Variants in SGPP2 observed in about 807,000 individuals in gnomAD.
The protein encoded by SGPP2 is sphingosine-1-phosphate phosphatase 2, also known as sphingosine 1-phosphate phosphohydrolase 2.
SGPP2 carries 30 observed loss-of-function variants against 33.9 expected under a neutral mutation model. That is an observed-to-expected ratio of 0.89 (90% CI 0.66 to 1.20). The LOEUF is 1.20. Ranked by LOEUF, SGPP2 falls within the 50% of genes most tolerant of loss-of-function variation. The pLI, the probability that SGPP2 is intolerant of heterozygous loss-of-function variation, is 0.00. For missense variants in SGPP2, 458 were observed against 532.1 expected (o/e 0.86, Z 1.37); for synonymous variants, 233 against 225.0 (o/e 1.04, Z -0.32).
intron 1 of SGPP2, among the ~76,000 whole-genome samples, chr2:222,457,421 C>T (rs1697589397): frequency 6.6e-6 from 1 of 152,142 alleles, no homozygotes; most frequent in South Asian, 2.1e-4. Context: ...GAAATACTCT[C>T]TTATTACCTG....
chr2:222,547,770 A>G lies in SGPP2; in HGVS notation c.649-10577A>G, dbSNP rs149498527. Among the ~76,000 whole-genome samples, 579 of 152,284 alleles carry G rather than the reference A, an allele frequency of 3.8e-3. 1 individual carries two copies. The highest frequency in any genetic ancestry group is 6.3e-3 in the Non-Finnish European group (431 of 68,020). On this transcript the variant is annotated intron_variant, in intron 4 of 4. Transcript: ENST00000321276. ...TATCCATATTCAGTCATCTAACATAATTTTCCTTATAAATATTTAGTCATA... is the reference window on the plus strand; with the variant it reads ...TATCCATATTCAGTCATCTAACATAGTTTTCCTTATAAATATTTAGTCATA...
intron 3 of SGPP2, 25 bp from the exon 4 acceptor site, chr2:222,524,919 C>CCCACAGTATCCAT (rs764309693): frequency 6.3e-7 from 1 of 1,586,046 alleles, no homozygotes; most frequent in Non-Finnish European, 8.7e-7. Context: ...ATCTAATTCC[C>CCCACAGTATCCAT]TTGTTTTTTC....
chr2:222,513,382 T>C (rs181814743), intron 2 of SGPP2, among the ~76,000 whole-genome samples: 53 of 152,316 alleles, frequency 3.5e-4, no homozygotes, highest in African/African-American at 1.1e-3. Context: ...TAATGTTTCA[T>C]TTTTTATGCT....
chr2:222,499,645 C>T (rs1296145845), intron 2 of SGPP2, among the ~76,000 whole-genome samples: 1 of 151,902 alleles, frequency 6.6e-6, no homozygotes, highest in Non-Finnish European at 1.5e-5. Context: ...CAAGTTGGGG[C>T]ATTGGGGGAA....
chr2:222,475,905 C>G (rs920322997), intron 2 of SGPP2, among the ~76,000 whole-genome samples: 1 of 152,150 alleles, frequency 6.6e-6, no homozygotes, highest in African/African-American at 2.4e-5. Context: ...AATGTGCCTC[C>G]CCAGAATCAT....
chr2:222,431,279 C>T (rs780253438), intron 1 of SGPP2, among the ~76,000 whole-genome samples: 8 of 151,802 alleles, frequency 5.3e-5, no homozygotes, highest in East Asian at 1.9e-4. Flanking sequence ...CCAAGGAAGT[C>T]GGATCACTTG....
At chr2:222,533,469 G>T (rs1207905108) in intron 4 of SGPP2, among the ~76,000 whole-genome samples, 2 of 152,208 alleles carry the variant, frequency 1.3e-5, no homozygotes, top group Non-Finnish European at 2.9e-5. Flanking sequence ...TGAGAACAGG[G>T]ACTGGAAAGA....
chr2:222,507,891 G>A (rs1310716011), intron 2 of SGPP2, among the ~76,000 whole-genome samples: 1 of 152,160 alleles, frequency 6.6e-6, no homozygotes, highest in Admixed American at 6.5e-5. Flanking sequence ...GTCCTGTCAT[G>A]AACATTTAGC....
At chr2:222,514,584 T>G (rs2106127934) in intron 2 of SGPP2, among the ~76,000 whole-genome samples, 2 of 151,976 alleles carry the variant, frequency 1.3e-5, no homozygotes, top group Middle Eastern at 6.8e-3. Context: ...AACTTCAGTG[T>G]ACGTTCATAA....
chr2:222,483,612 T>G (rs1189924915), intron 2 of SGPP2, among the ~76,000 whole-genome samples: 1 of 152,182 alleles, frequency 6.6e-6, no homozygotes, highest in Non-Finnish European at 1.5e-5. Context: ...GGTTAAGAGG[T>G]AAACGTTTTG....
intron 2 of SGPP2, among the ~76,000 whole-genome samples, chr2:222,488,792 AT>A (rs1698152728): frequency 6.6e-6 from 1 of 152,168 alleles, no homozygotes; most frequent in East Asian, 1.9e-4. Flanking sequence ...ACACATATAA[AT>A]TCATTGTTTG....
At chr2:222,446,458 G>A (rs551968352) in intron 1 of SGPP2, among the ~76,000 whole-genome samples, 1 of 152,200 alleles carries the variant, frequency 6.6e-6, no homozygotes, top group Non-Finnish European at 1.5e-5. Context: ...AGGGTTACTT[G>A]TTGTTGCTAT....
chr2:222,453,817 T>A (rs538016341), intron 1 of SGPP2, among the ~76,000 whole-genome samples: 1 of 152,172 alleles, frequency 6.6e-6, no homozygotes, highest in African/African-American at 2.4e-5. Flanking sequence ...ATATGCAAAT[T>A]TTTGACTGCA....
intron 2 of SGPP2, among the ~76,000 whole-genome samples, chr2:222,489,257 A>G (rs1349350618): frequency 6.6e-6 from 1 of 152,242 alleles, no homozygotes; most frequent in East Asian, 1.9e-4. Context: ...CAAATTCTGC[A>G]AAATAAATAG....
At chr2:222,479,192 C>A (rs1185317837) in intron 2 of SGPP2, among the ~76,000 whole-genome samples, 2 of 152,150 alleles carry the variant, frequency 1.3e-5, no homozygotes, top group Non-Finnish European at 2.9e-5. Flanking sequence ...CCAGGGGAAG[C>A]TGCCGTGGTT....
At chr2:222,455,618 C>T (rs1379929707) in intron 1 of SGPP2, among the ~76,000 whole-genome samples, 2 of 152,206 alleles carry the variant, frequency 1.3e-5, no homozygotes, top group African/African-American at 4.8e-5. Context: ...TGAATTGATT[C>T]TTGATTTTCA....
At chr2:222,445,009 C>G (rs553378150) in intron 1 of SGPP2, among the ~76,000 whole-genome samples, 66 of 152,326 alleles carry the variant, frequency 4.3e-4, no homozygotes, top group African/African-American at 1.4e-3. Flanking sequence ...ACCCAGGAGA[C>G]AGTTAACTGT....
At chr2:222,447,009 G>T (rs896424548) in intron 1 of SGPP2, among the ~76,000 whole-genome samples, 1 of 152,204 alleles carries the variant, frequency 6.6e-6, no homozygotes, top group Admixed American at 6.5e-5. Flanking sequence ...AGAACAAGAG[G>T]TTAGAGGCTG....
intron 1 of SGPP2, among the ~76,000 whole-genome samples, chr2:222,452,129 G>T (rs544364567): frequency 1.9e-4 from 29 of 151,798 alleles, no homozygotes; most frequent in Non-Finnish European, 4.1e-4. Context: ...CTTATCTATA[G>T]CCAGAGACAG....
Sources: gnomAD v4.1 joint callset for allele counts (sites outside exome capture counted in the v4.1 genomes callset) on GRCh38, gnomAD v4.1.1 for gene constraint, MANE v1.5 for transcripts, NCBI Gene and HGNC (gene_info 2026-07-23, HGNC 2026-07-21) for gene names.